Variants in SPAG17 observed in about 807,000 individuals in gnomAD.
The protein encoded by SPAG17 is sperm-associated antigen 17.
In SPAG17, 169 loss-of-function variants were observed where a neutral mutation model predicts 273.6. The ratio of observed to expected loss-of-function variants is 0.62; its 90% CI spans 0.55 to 0.70. SPAG17 has a LOEUF of 0.70. Among genes scored for constraint, SPAG17 ranks in the 30% least tolerant of loss-of-function variants. The pLI is 0.00. For missense variants in SPAG17, 2,557 were observed against 2,627.8 expected, an observed-to-expected ratio of 0.97 and a Z score of 0.59; for synonymous variants, 825 against 873.2, an observed-to-expected ratio of 0.94 and a Z score of 0.97.
At chr1:118,044,342 G>C (rs2101944078) in intron 20 of SPAG17, among the ~76,000 whole-genome samples, 1 of 152,146 alleles carries the variant, frequency 6.6e-6, no homozygotes, top group African/African-American at 2.4e-5. Flanking sequence ...AAAATTAGCT[G>C]GGTGTGGTGG....
At chr1:118,080,724 A>G (rs1654480411) in intron 15 of SPAG17, among the ~76,000 whole-genome samples, 1 of 152,130 alleles carries the variant, frequency 6.6e-6, no homozygotes, top group South Asian at 2.1e-4. Context: ...GTGGGAGAGG[A>G]GGGGAAATGA....
intron 43 of SPAG17, among the ~76,000 whole-genome samples, chr1:117,980,962 T>A (rs932804883): frequency 6.6e-6 from 1 of 152,190 alleles, no homozygotes; most frequent in African/African-American, 2.4e-5. Context: ...TGATCTTCAA[T>A]AAATCATACA....
chr1:118,070,795 A>C (rs1337879681), intron 17 of SPAG17, among the ~76,000 whole-genome samples: 1 of 152,250 alleles, frequency 6.6e-6, no homozygotes, highest in Non-Finnish European at 1.5e-5. Context: ...AGTCTTGGAA[A>C]TTGAGTGTGT....
intron 18 of SPAG17, among the ~76,000 whole-genome samples, chr1:118,064,661 C>A (rs1652762705): frequency 6.7e-6 from 1 of 150,230 alleles, no homozygotes; most frequent in Non-Finnish European, 1.5e-5. Context: ...GGGTGCAGCA[C>A]ACCAACATGG....
At chr1:118,002,771 CTT>C (rs1658443188) in intron 32 of SPAG17, among the ~76,000 whole-genome samples, 1 of 152,218 alleles carries the variant, frequency 6.6e-6, no homozygotes, top group Non-Finnish European at 1.5e-5. Flanking sequence ...GGTCGTGACT[CTT>C]TATCCAATTT....
Position 118,021,937 on chromosome 1 carries a change from C to T in SPAG17, c.4069+1367G>A, listed in dbSNP as rs193226906. Among the ~76,000 whole-genome samples, 15 of 152,242 alleles carry T rather than the reference C, an allele frequency of 9.9e-5. No individual in the cohort carries two copies. In the East Asian group the frequency reaches 2.5e-3, roughly 25 times the overall value. On this transcript the variant is annotated intron_variant, in intron 28 of 48. Coordinates refer to ENST00000336338, the MANE Select transcript of SPAG17 (RefSeq NM_206996.4). ...TCTAACCAGAAACCTTCTGCTACTA[C>T]TCAAGGAAAATCTGTTTTACTAAAT...
rs549035952 is a variant in SPAG17, at chr1:118,073,193, CTTG to C, written c.2385+658_2385+660del. Among the ~76,000 whole-genome samples the C allele has an allele frequency of 1.1e-3, 167 of 152,272 alleles. 2 individuals carry two copies. The highest frequency in any genetic ancestry group is 3.8e-3 in the African/African-American group (158 of 41,562). The stretch of plus-strand genomic sequence containing the variant: ...ACAAAAGGATTTAGGTTTGGGATTA[CTTG>C]TTATTTTGCTGAGTGGTTAAGAGTA... On this transcript the variant is annotated intron_variant, in intron 17 of 48. Transcript: ENST00000336338.
At chr1:118,097,290 T>C (rs1034174760) in intron 7 of SPAG17, among the ~76,000 whole-genome samples, 3 of 151,474 alleles carry the variant, frequency 2.0e-5, no homozygotes, top group Non-Finnish European at 4.4e-5. Flanking sequence ...AACTGAAACA[T>C]AAAAAGTCAG....
At chr1:118,165,559 G>T (rs1570811181) in intron 1 of SPAG17, among the ~76,000 whole-genome samples, 1 of 151,020 alleles carries the variant, frequency 6.6e-6, no homozygotes, top group Non-Finnish European at 1.5e-5. Context: ...GATATGCATG[G>T]CAAGTTAAAC....
chr1:118,055,983 G>A (rs1651631764), intron 18 of SPAG17, 69 bp from the exon 19 acceptor site: 1 of 1,306,332 alleles, frequency 7.7e-7, no homozygotes, highest in Non-Finnish European at 1.0e-6. Flanking sequence ...GATATTGACT[G>A]TGCAAATAAA....
At chr1:118,087,033 A>C (rs1201296644) in intron 10 of SPAG17, 25 bp from the exon 11 acceptor site, 1 of 1,544,436 alleles carries the variant, frequency 6.5e-7, no homozygotes, top group Non-Finnish European at 8.7e-7. Context: ...AATGAGAGGA[A>C]TTGGTGTAAG....
At chr1:118,089,207 T>C (rs939454313) in intron 10 of SPAG17, among the ~76,000 whole-genome samples, 14 of 152,234 alleles carry the variant, frequency 9.2e-5, no homozygotes, top group African/African-American at 3.1e-4. Context: ...TCTCTAAGGA[T>C]TGACACTTCT....
chr1:118,184,264 T>G (rs1661077952), intron 1 of SPAG17, among the ~76,000 whole-genome samples: 1 of 152,204 alleles, frequency 6.6e-6, no homozygotes, highest in Non-Finnish European at 1.5e-5. Flanking sequence ...CGGGCTGGAA[T>G]TTCCAGAAAC....
At chr1:118,054,153 C>A (rs1382857326) in intron 19 of SPAG17, 60 bp from the exon 20 acceptor site, 2 of 1,107,912 alleles carry the variant, frequency 1.8e-6, no homozygotes, top group Non-Finnish European at 2.7e-6. Flanking sequence ...ATAGAAGGCC[C>A]AAATCTCTGG....
At chr1:118,074,387 T>G in intron 16 of SPAG17, 152 bp downstream of exon 16, 1 of 703,790 alleles carries the variant, frequency 1.4e-6, no homozygotes, top group Non-Finnish European at 2.4e-6. Context: ...CAGTTGGAGC[T>G]GCTCTGGGGA....
intron 20 of SPAG17, 72 bp from the exon 21 acceptor site, chr1:118,042,114 T>G (rs1571321921): frequency 6.6e-7 from 1 of 1,526,352 alleles, no homozygotes; most frequent in East Asian, 2.2e-5. Context: ...AGGTTCATTT[T>G]GAAGAATATT....
chr1:118,006,860 T>C (rs769630191), intron 31 of SPAG17, among the ~76,000 whole-genome samples: 1 of 152,262 alleles, frequency 6.6e-6, no homozygotes, highest in Non-Finnish European at 1.5e-5. Context: ...CCCTCACAAC[T>C]AATGATGTTG....
At chr1:118,124,912 G>T (rs1657622763) in intron 3 of SPAG17, among the ~76,000 whole-genome samples, 2 of 152,116 alleles carry the variant, frequency 1.3e-5, no homozygotes, top group Non-Finnish European at 2.9e-5. Context: ...CTCCCATCTT[G>T]GGTCACGGTC....
chr1:118,105,569 A>G (rs576185987), intron 4 of SPAG17, among the ~76,000 whole-genome samples: 2 of 152,294 alleles, frequency 1.3e-5, no homozygotes, highest in Admixed American at 1.3e-4. Context: ...AGCCAAACAA[A>G]TAGCAGGAGA....
Sources: gnomAD v4.1 joint callset for allele counts (sites outside exome capture counted in the v4.1 genomes callset) on GRCh38, gnomAD v4.1.1 for gene constraint, MANE v1.5 for transcripts, NCBI Gene and HGNC (gene_info 2026-07-23, HGNC 2026-07-21) for gene names.